HDGFL2: variants seen among roughly 807,000 people sequenced by gnomAD.
The protein encoded by HDGFL2 is HDGF like 2.
In HDGFL2, 36 loss-of-function variants were observed where a neutral mutation model predicts 77.1. That is an observed-to-expected ratio of 0.47 (90% CI 0.36 to 0.62). HDGFL2 has a LOEUF of 0.62. Ranked by LOEUF, HDGFL2 falls within the 20% of genes least tolerant of loss-of-function variation. The pLI is 0.00. For missense variants in HDGFL2, 976 were observed against 973.4 expected (o/e 1.00, Z -0.04); for synonymous variants, 463 against 413.1 (o/e 1.12, Z -1.46).
At position 4,475,485 on chromosome 19, in the gene HDGFL2, T is replaced by C. The variant is rs1280684102; in HGVS notation, c.190T>C (p.Cys64Arg). The part of the protein sequence containing the change: ...GPKDLFPYDK[C>R]KDKYGKPNKR... ...CAAGGACCTGTTCCCCTACGACAAA[T>C]GTAAAGACAAGTACGGGAAGCCCAA... Residue 64 changes from cysteine to arginine, a missense_variant, in exon 3 of 16, where the codon TGT (cysteine) becomes CGT (arginine). Cys to Arg is a radical substitution (Grantham distance 180). Transcript: ENST00000616600. The C allele has an allele frequency of 1.2e-6, 2 of 1,610,328 alleles. No individual in the cohort carries two copies. The highest frequency in any genetic ancestry group is 1.7e-6 in the Non-Finnish European group (2 of 1,179,050).
chr19:4,481,874 G>A (rs1041149736), intron 3 of HDGFL2, among the ~76,000 whole-genome samples: 3 of 152,028 alleles, frequency 2.0e-5, no homozygotes, highest in Non-Finnish European at 4.4e-5. Flanking sequence ...GGATGGTGGA[G>A]GGGATATTTG....
Position 4,479,000 on chromosome 19 carries a change from C to A in HDGFL2, c.288+3417C>A, listed in dbSNP as rs532816360. Among the ~76,000 whole-genome samples, 57 of 151,534 alleles carry A rather than the reference C, an allele frequency of 3.8e-4. No individual in the cohort carries two copies. In the South Asian group the frequency reaches 5.4e-3, roughly 14 times the overall value. On this transcript the variant is annotated intron_variant, in intron 3 of 15. Transcript: ENST00000616600. The stretch of plus-strand genomic sequence containing the variant: ...GCCCAACAGCGGGAAGTATTTTTTC[C>A]ATTGAGTAGATGAGCAGAATGAGAC...
chr19:4,476,903 G>A (rs1975087339), intron 3 of HDGFL2, among the ~76,000 whole-genome samples: 1 of 151,984 alleles, frequency 6.6e-6, no homozygotes, highest in African/African-American at 2.4e-5. Flanking sequence ...TGGGGGCCGG[G>A]GTTAGTAGCC....
chr19:4,498,203 C>A, intron 11 of HDGFL2, 103 bp from the exon 12 acceptor site: 1 of 1,250,830 alleles, frequency 8.0e-7, no homozygotes, highest in Non-Finnish European at 1.1e-6. Context: ...AGACCTGGGG[C>A]CCCCATGACA....
intron 3 of HDGFL2, among the ~76,000 whole-genome samples, chr19:4,481,912 C>T (rs1975228210): frequency 6.6e-6 from 1 of 152,012 alleles, no homozygotes. Flanking sequence ...CTGGATTTGA[C>T]CTTCCCTTTT....
At chr19:4,493,591 A>C (rs770370297) in intron 6 of HDGFL2, 112 bp from the exon 7 acceptor site, 144 of 1,252,070 alleles carry the variant, frequency 1.2e-4, no homozygotes, top group Non-Finnish European at 1.4e-4. Flanking sequence ...CCCTGAGCCG[A>C]GGCCCGCAGA....
chr19:4,492,904 G>T (rs1462732612), intron 6 of HDGFL2, among the ~76,000 whole-genome samples: 1 of 123,884 alleles, frequency 8.1e-6, no homozygotes, highest in African/African-American at 3.3e-5. Flanking sequence ...TGGTGTGTGT[G>T]TGGTGTCTGT....
intron 3 of HDGFL2, among the ~76,000 whole-genome samples, chr19:4,485,611 G>A (rs540602180): frequency 1.1e-3 from 163 of 151,956 alleles, no homozygotes; most frequent in African/African-American, 3.6e-3. Context: ...GCGTGGTGGC[G>A]GGTGCCTGTA....
At chr19:4,483,381 G>C (rs1016185593) in intron 3 of HDGFL2, among the ~76,000 whole-genome samples, 7 of 152,186 alleles carry the variant, frequency 4.6e-5, no homozygotes, top group Non-Finnish European at 1.0e-4. Flanking sequence ...TAAGCCTGGA[G>C]GGAGCCGGGA....
At chr19:4,473,733 TG>T (rs2145145525) in intron 1 of HDGFL2, among the ~76,000 whole-genome samples, 1 of 151,288 alleles carries the variant, frequency 6.6e-6, no homozygotes, top group African/African-American at 2.4e-5. Flanking sequence ...ACGGGGTCAC[TG>T]GGACTCGGGG....
intron 3 of HDGFL2, among the ~76,000 whole-genome samples, chr19:4,483,949 C>A (rs1275013525): frequency 6.6e-6 from 1 of 151,948 alleles, no homozygotes; most frequent in African/African-American, 2.4e-5. Context: ...GCCACCACGC[C>A]CAGCTAATTC....
At chr19:4,483,353 G>C (rs563434264) in intron 3 of HDGFL2, among the ~76,000 whole-genome samples, 37 of 152,234 alleles carry the variant, frequency 2.4e-4, no homozygotes, top group Admixed American at 2.3e-3. Context: ...CTCTCCTCCC[G>C]GCGCGGGAGG....
intron 3 of HDGFL2, among the ~76,000 whole-genome samples, chr19:4,483,444 C>T (rs913014297): frequency 5.9e-5 from 9 of 152,224 alleles, no homozygotes; most frequent in Non-Finnish European, 1.2e-4. Flanking sequence ...CTGGCCCCCC[C>T]TCTTGACCAG....
chr19:4,501,121 T>G (rs1321098465), intron 14 of HDGFL2, 70 bp from the exon 15 acceptor site: 6 of 1,598,700 alleles, frequency 3.8e-6, no homozygotes, highest in Non-Finnish European at 5.1e-6. Flanking sequence ...GTCCAGTCCT[T>G]GACAGGCAAG....
At chr19:4,479,717 G>T (rs1180538921) in intron 3 of HDGFL2, among the ~76,000 whole-genome samples, 1 of 151,888 alleles carries the variant, frequency 6.6e-6, no homozygotes, top group Non-Finnish European at 1.5e-5. Context: ...GACCAGCCTG[G>T]CCAACACAGT....
chr19:4,496,966 C>G (rs1224186125), intron 10 of HDGFL2: 13 of 374,232 alleles, frequency 3.5e-5, no homozygotes, highest in South Asian at 2.6e-4. Flanking sequence ...CTCCGCCTCC[C>G]GGGTTCAAGC....
intron 10 of HDGFL2, chr19:4,497,641 G>C (rs1325228473): frequency 4.7e-6 from 2 of 423,526 alleles, no homozygotes; most frequent in African/African-American, 4.0e-5. Flanking sequence ...TGTCACCCTT[G>C]AGGGCCTTTT....
intron 3 of HDGFL2, among the ~76,000 whole-genome samples, chr19:4,485,173 C>G (rs1035221895): frequency 6.6e-6 from 1 of 152,180 alleles, no homozygotes; most frequent in Non-Finnish European, 1.5e-5. Flanking sequence ...TCTCTTCTCC[C>G]CTCAAGCCTC....
intron 4 of HDGFL2, among the ~76,000 whole-genome samples, chr19:4,490,419 G>A (rs12462955): frequency 0.51 from 78,030 of 152,058 alleles, 20,509 homozygotes; most frequent in African/African-American, 0.61. Context: ...GTCAGATTCC[G>A]GTGTGTGGAG....
Sources: allele counts gnomAD v4.1 joint callset (sites outside exome capture counted in the v4.1 genomes callset), GRCh38; gene constraint gnomAD v4.1.1; transcripts MANE v1.5; gene names NCBI Gene and HGNC (gene_info 2026-07-23, HGNC 2026-07-21).